Variants in FAIM observed in about 807,000 individuals in gnomAD.
The protein encoded by FAIM is Fas apoptotic inhibitory molecule.
A neutral mutation model predicts 21.2 loss-of-function variants in FAIM; 14 were observed. That is an observed-to-expected ratio of 0.66 (90% CI 0.44 to 1.03). The LOEUF is 1.03. Among genes scored for constraint, FAIM ranks in the 50% least tolerant of loss-of-function variants. The pLI, the probability that FAIM is intolerant of heterozygous loss-of-function variation, is 0.00. For synonymous variants in FAIM, 86 were observed against 80.4 expected (o/e 1.07, Z -0.37); for missense variants, 222 against 247.1 (o/e 0.90, Z 0.68).
rs549136160 is a variant in FAIM, at chr3:138,612,161, T to C, written c.-17+3224T>C. On this transcript the variant is annotated intron_variant, in intron 1 of 5. Transcript: ENST00000360570. ...TGTCACCCAGGCTGGAGTGCAGTGG[T>C]GCGATCTCAGCTCACTGCAAGCTCC... is the stretch of plus-strand genomic sequence containing the variant. Among the ~76,000 whole-genome samples, 948 of 144,780 alleles carry C rather than the reference T, an allele frequency of 6.5e-3. 11 individuals carry two copies. Among genetic ancestry groups the C allele is most frequent in the African/African-American group, 0.023 (888 of 38,298 alleles). The allele number at this position is 144,780 out of a possible 152,430, so 95.0% of individuals were successfully genotyped here. A position where few individuals can be genotyped will look rare whatever the true frequency, so the allele number is the denominator to read the frequency against.
chr3:138,613,325 C>A (rs1247958665), intron 1 of FAIM, among the ~76,000 whole-genome samples: 1 of 151,500 alleles, frequency 6.6e-6, no homozygotes, highest in Non-Finnish European at 1.5e-5. Flanking sequence ...CGGCCCCTTT[C>A]CCATTTTTAA....
In FAIM at chr3:138,617,367, TTTATA is replaced by T. The variant is rs201806819; in HGVS notation, c.-16-2337_-16-2333del. On this transcript the variant is annotated intron_variant, in intron 1 of 5. Transcript: ENST00000360570. ...TTATATTATGCTGTTTGGCTTATTT[TTTATA>T]TTATATGTATGTATAATATGTATAT... 8.9e-3 allele frequency among the ~76,000 whole-genome samples: 1,317 copies of T among 148,058 alleles called. 23 individuals are homozygous for T. Among genetic ancestry groups the T allele is most frequent in the African/African-American group, 0.029 (1,197 of 40,770 alleles).
intron 1 of FAIM, among the ~76,000 whole-genome samples, chr3:138,614,874 G>A (rs2042809986): frequency 6.6e-6 from 1 of 152,160 alleles, no homozygotes; most frequent in South Asian, 2.1e-4. Flanking sequence ...CCAGGAGGTT[G>A]AGGCTGCAGT....
intron 1 of FAIM, among the ~76,000 whole-genome samples, chr3:138,613,179 C>T (rs961010448): frequency 2.6e-5 from 4 of 151,890 alleles, no homozygotes; most frequent in Admixed American, 1.3e-4. Context: ...CCACCACACT[C>T]GGCTAATTTT....
intron 1 of FAIM, among the ~76,000 whole-genome samples, chr3:138,616,628 G>A (rs1019962070): frequency 6.6e-6 from 1 of 152,008 alleles, no homozygotes; most frequent in South Asian, 2.1e-4. Flanking sequence ...CAAAGTGCGG[G>A]GATTACAGGG....
chr3:138,629,080 C>T, intron 4 of FAIM, 27 bp from the exon 5 acceptor site: 1 of 1,552,982 alleles, frequency 6.4e-7, no homozygotes, highest in Non-Finnish European at 8.8e-7. Context: ...AGAATTATAA[C>T]TTAAAGTTTT....
chr3:138,619,313 G>A lies in FAIM; in HGVS notation c.-16-398G>A, dbSNP rs140246480. ...CATTGTGTTTATCCTGGAGTTTGAT[G>A]TATTCCCTGACTCATAGCCTTGGGG... is the stretch of plus-strand genomic sequence containing the variant. On this transcript the variant is annotated intron_variant, in intron 1 of 5. Coordinates refer to ENST00000360570, the MANE Select transcript of FAIM (RefSeq NM_001033031.2). Among the ~76,000 whole-genome samples, 399 of 152,304 alleles carry A rather than the reference G, an allele frequency of 2.6e-3. 3 individuals carry two copies. The highest frequency in any genetic ancestry group is 9.2e-3 in the African/African-American group (384 of 41,572).
intron 4 of FAIM, among the ~76,000 whole-genome samples, chr3:138,625,196 C>T (rs2042926606): frequency 6.6e-6 from 1 of 152,004 alleles, no homozygotes; most frequent in African/African-American, 2.4e-5. Flanking sequence ...GGCATGGTAG[C>T]TCACACCTGT....
Position 138,622,286 on chromosome 3 carries a change from C to T in FAIM, c.276C>T (p.Ile92=). 6.2e-7 allele frequency: 1 copy of T among 1,613,908 alleles called. No individual in the cohort carries two copies. Among genetic ancestry groups the T allele is most frequent in the Non-Finnish European group, 8.5e-7 (1 of 1,179,942 alleles). The change falls in exon 4 of 6, where the codon ATC becomes ATT. Residue 92 remains isoleucine, a synonymous_variant. Coordinates refer to ENST00000360570, the MANE Select transcript of FAIM (RefSeq NM_001033031.2). ...KTKATINIDA[I]SGFAYEYTLE... ...AAGCGACCATAAATATAGACGCTAT[C>T]AGTGGTTTTGCTTATGAATATACTC...
rs572894040 is a variant in FAIM, at chr3:138,618,087, C to T, written c.-16-1624C>T. On this transcript the variant is annotated intron_variant, in intron 1 of 5. Coordinates refer to ENST00000360570, the MANE Select transcript of FAIM (RefSeq NM_001033031.2). Reference sequence around the variant, plus strand: ...CTTCTAACTCCTAGGCTCAAGCGATCCTCCCACCTTAGCCTCCCCCAGTAG... The same window carrying T: ...CTTCTAACTCCTAGGCTCAAGCGATTCTCCCACCTTAGCCTCCCCCAGTAG... Among the ~76,000 whole-genome samples, 10 of 151,500 alleles carry T rather than the reference C, an allele frequency of 6.6e-5. No individual in the cohort carries two copies. In the South Asian group the frequency reaches 2.1e-3, roughly 32 times the overall value.
chr3:138,621,657 C>G (rs979567561), intron 3 of FAIM, 118 bp downstream of exon 3: 13 of 849,770 alleles, frequency 1.5e-5, no homozygotes, highest in Admixed American at 1.2e-4. Context: ...TGTTTTTGAT[C>G]TGTATCATTT....
At chr3:138,626,176 G>T (rs1488779762) in intron 4 of FAIM, among the ~76,000 whole-genome samples, 2 of 152,164 alleles carry the variant, frequency 1.3e-5, no homozygotes, top group Admixed American at 1.3e-4. Context: ...GCTCCAAGAT[G>T]AACATGCAGC....
At chr3:138,619,618 G>A in intron 1 of FAIM, 93 bp from the exon 2 acceptor site, 1 of 1,135,426 alleles carries the variant, frequency 8.8e-7, no homozygotes, top group South Asian at 1.4e-5. Context: ...TGCAAAATTA[G>A]AAAAACCCTT....
At position 138,633,271 on chromosome 3, in the gene FAIM, C is replaced by A; in HGVS notation, c.*192C>A. 1 of 388,908 alleles carries A rather than the reference C, an allele frequency of 2.6e-6. No individual in the cohort carries two copies. Among genetic ancestry groups the A allele is most frequent in the Non-Finnish European group, 4.5e-6 (1 of 224,296 alleles). 24.1% of individuals were successfully genotyped at this position (388,908 alleles called of 1,614,324 possible). A position where few individuals can be genotyped will look rare whatever the true frequency, so the allele number is the denominator to read the frequency against. On this transcript the variant is annotated 3_prime_UTR_variant, in exon 6 of 6. Transcript: ENST00000360570. Reference sequence around the variant, plus strand: ...GTCATAAAAATTACAATTTATGATGCAAATAATGTAAAATGTTTTAAAGAC... The same window carrying A: ...GTCATAAAAATTACAATTTATGATGAAAATAATGTAAAATGTTTTAAAGAC...
intron 2 of FAIM, 26 bp downstream of exon 2, chr3:138,619,796 T>A (rs774117690): frequency 2.5e-6 from 4 of 1,583,612 alleles, no homozygotes; most frequent in Non-Finnish European, 3.5e-6. Flanking sequence ...TGCAGTAAAC[T>A]AGCCTTTGAC....
At chr3:138,629,221 T>C (rs887015166) in intron 5 of FAIM, 65 bp downstream of exon 5, 16 of 1,301,776 alleles carry the variant, frequency 1.2e-5, no homozygotes, top group Middle Eastern at 1.9e-4. Context: ...TGTTGCTGCA[T>C]TTCCTAATTA....
At chr3:138,613,152 G>A (rs1321042602) in intron 1 of FAIM, among the ~76,000 whole-genome samples, 1 of 151,762 alleles carries the variant, frequency 6.6e-6, no homozygotes, top group Non-Finnish European at 1.5e-5. Flanking sequence ...GTAGCTAGCT[G>A]GGATTACAGG....
chr3:138,626,910 G>C (rs1031783090), intron 4 of FAIM, among the ~76,000 whole-genome samples: 1 of 152,072 alleles, frequency 6.6e-6, no homozygotes, highest in African/African-American at 2.4e-5. Context: ...GGTATTTCAG[G>C]GTTGTTTTTG....
chr3:138,619,824 C>A, intron 2 of FAIM, 54 bp downstream of exon 2: 2 of 1,482,252 alleles, frequency 1.3e-6, no homozygotes, highest in Admixed American at 1.8e-5. Context: ...AGATTGTTAT[C>A]ATTCAAAAGA....
Sources: gnomAD v4.1 joint callset for allele counts (sites outside exome capture counted in the v4.1 genomes callset) on GRCh38, gnomAD v4.1.1 for gene constraint, MANE v1.5 for transcripts, NCBI Gene and HGNC (gene_info 2026-07-23, HGNC 2026-07-21) for gene names.